The following CCDC12 variants were observed in gnomAD, a reference collection of about 807,000 sequenced individuals.
The protein encoded by CCDC12 is coiled-coil domain-containing protein 12.
CCDC12 carries 28 observed loss-of-function variants against 25.7 expected under a neutral mutation model. The observed-to-expected ratio is 1.09, with a 90% CI of 0.81 to 1.50. CCDC12 has a LOEUF of 1.50. CCDC12 is among the 40% of genes most tolerant of loss of function. The probability of loss-of-function intolerance (pLI) is 0.00; values close to 1 mark genes in which losing one functional copy is unlikely to be tolerated. For missense variants in CCDC12, 198 were observed against 210.0 expected (o/e 0.94, Z 0.35); for synonymous variants, 75 against 87.7 (o/e 0.86, Z 0.81).
intron 1 of CCDC12, chr3:46,976,196 A>T: frequency 1.9e-6 from 1 of 518,400 alleles, no homozygotes; most frequent in Non-Finnish European, 2.5e-6. Flanking sequence ...CACTGCTGTC[A>T]CTTGCTGCCC....
intron 1 of CCDC12, among the ~76,000 whole-genome samples, chr3:46,965,207 GA>G (rs1437940307): frequency 6.6e-6 from 1 of 152,184 alleles, no homozygotes; most frequent in Non-Finnish European, 1.5e-5. Flanking sequence ...AAAGCTAACA[GA>G]AAGATTAAAA....
intron 1 of CCDC12, among the ~76,000 whole-genome samples, chr3:46,958,929 A>G (rs918029929): frequency 1.3e-5 from 2 of 152,186 alleles, no homozygotes; most frequent in African/African-American, 4.8e-5. Context: ...AAAATTCTTT[A>G]CAAGTCAATT....
chr3:46,973,000 G>A (rs1263270310), intron 1 of CCDC12, among the ~76,000 whole-genome samples: 1 of 151,144 alleles, frequency 6.6e-6, no homozygotes. Flanking sequence ...ATTTTAGTTC[G>A]TCGAAAAGAC....
At chr3:46,942,804 T>G (rs1025771631) in intron 1 of CCDC12, among the ~76,000 whole-genome samples, 1 of 152,106 alleles carries the variant, frequency 6.6e-6, no homozygotes, top group Non-Finnish European at 1.5e-5. Context: ...GGAACGTGGT[T>G]CTTGGGCGAT....
intron 1 of CCDC12, among the ~76,000 whole-genome samples, chr3:46,957,284 G>A (rs992880466): frequency 2.0e-5 from 3 of 152,174 alleles, no homozygotes; most frequent in Admixed American, 1.3e-4. Context: ...GGGCAACAGG[G>A]CTAACTGTAG....
intron 1 of CCDC12, among the ~76,000 whole-genome samples, chr3:46,965,526 C>G (rs1263142510): frequency 6.6e-6 from 1 of 152,200 alleles, no homozygotes; most frequent in African/African-American, 2.4e-5. Flanking sequence ...AGAGGCTCAC[C>G]CTTCGCCCAG....
At chr3:46,960,948 G>A (rs1191622549) in intron 1 of CCDC12, among the ~76,000 whole-genome samples, 2 of 151,916 alleles carry the variant, frequency 1.3e-5, no homozygotes, top group Non-Finnish European at 2.9e-5. Context: ...GTTTGTAGGT[G>A]TGGGTTGGGG....
At chr3:46,961,154 G>A (rs2034451383) in intron 1 of CCDC12, among the ~76,000 whole-genome samples, 1 of 152,048 alleles carries the variant, frequency 6.6e-6, no homozygotes, top group African/African-American at 2.4e-5. Flanking sequence ...CATGCTGTAT[G>A]TGCATGTGTA....
intron 1 of CCDC12, among the ~76,000 whole-genome samples, chr3:46,961,078 T>G (rs995459996): frequency 1.3e-5 from 2 of 151,150 alleles, no homozygotes; most frequent in Non-Finnish European, 3.0e-5. Flanking sequence ...TGTGGTGGTG[T>G]TGTGAGGTTA....
chr3:46,925,523 C>T lies in CCDC12; in HGVS notation c.177G>A (p.Leu59=). 3 of 1,586,038 alleles carry T rather than the reference C, an allele frequency of 1.9e-6. No individual in the cohort carries two copies. The highest frequency in any genetic ancestry group is 2.6e-6 in the Non-Finnish European group (3 of 1,161,104). The part of the protein sequence containing the change: ...EEGEKHRELR[L]RNYVPEDEDL... ...CCTCATCCTCCGGGACATAGTTCCGCAGCCTAAGTTCCCTGCAAGAATAGA... is the reference window on the plus strand; with the variant it reads ...CCTCATCCTCCGGGACATAGTTCCGTAGCCTAAGTTCCCTGCAAGAATAGA... Residue 59 remains leucine (L), a synonymous_variant, in exon 3 of 7, where the codon CTG becomes CTA. Transcript: ENST00000683445.
At chr3:46,946,972 A>G (rs2033932686) in intron 1 of CCDC12, among the ~76,000 whole-genome samples, 2 of 152,148 alleles carry the variant, frequency 1.3e-5, no homozygotes, top group African/African-American at 2.4e-5. Context: ...AGAGAGAGAC[A>G]TTCAACTTCT....
intron 1 of CCDC12, among the ~76,000 whole-genome samples, chr3:46,948,379 G>C (rs1017700174): frequency 2.0e-5 from 3 of 152,192 alleles, no homozygotes; most frequent in African/African-American, 4.8e-5. Context: ...CTAGAGATAA[G>C]GACTGGAGAT....
intron 1 of CCDC12, among the ~76,000 whole-genome samples, chr3:46,960,251 A>G (rs2034423112): frequency 6.6e-6 from 1 of 152,054 alleles, no homozygotes; most frequent in South Asian, 2.1e-4. Context: ...CCTCAACAAT[A>G]ACACTTGTAA....
chr3:46,966,074 A>G (rs2034630022), intron 1 of CCDC12: 2 of 152,412 alleles, frequency 1.3e-5, no homozygotes, highest in South Asian at 2.1e-4. Context: ...AGAAACGGCC[A>G]GCCTGACCCA....
Position 46,967,116 on chromosome 3 carries a change from C to T in CCDC12, c.96+9521G>A, listed in dbSNP as rs192170440. Among the ~76,000 whole-genome samples, 53 of 152,266 alleles carry T rather than the reference C, an allele frequency of 3.5e-4. No homozygotes were observed. The South Asian group carries it at 0.01, about 29-fold the overall frequency. Reference sequence around the variant, plus strand: ...CCAGATGCCTGCTTATGTCTCTCTTCGCTTACCTGTCTAACAGTCATCTCT... The same window carrying T: ...CCAGATGCCTGCTTATGTCTCTCTTTGCTTACCTGTCTAACAGTCATCTCT... On this transcript the variant is annotated intron_variant, in intron 1 of 6. Transcript: ENST00000683445.
Position 46,936,703 on chromosome 3 carries a change from C to T in CCDC12, c.164+4295G>A, listed in dbSNP as rs566988818. Among the ~76,000 whole-genome samples, 3 of 150,694 alleles carry T rather than the reference C, an allele frequency of 2.0e-5. 1 individual carries two copies. In the South Asian group the frequency reaches 6.2e-4, roughly 31 times the overall value. Reference sequence around the variant, plus strand: ...AATCTTCTCAACATGTGTTCTTCCCCTAAGTCCCTAAATTAAAGCAGAAAA... The same window carrying T: ...AATCTTCTCAACATGTGTTCTTCCCTTAAGTCCCTAAATTAAAGCAGAAAA... On this transcript the variant is annotated intron_variant, in intron 2 of 6. Transcript: ENST00000683445.
chr3:46,933,231 C>A (rs2033301128), intron 2 of CCDC12, among the ~76,000 whole-genome samples: 1 of 152,238 alleles, frequency 6.6e-6, no homozygotes, highest in African/African-American at 2.4e-5. Flanking sequence ...CTCCCCACTG[C>A]CAGGAGAAGC....
At chr3:46,928,283 AG>A (rs2033060017) in intron 2 of CCDC12, among the ~76,000 whole-genome samples, 1 of 152,194 alleles carries the variant, frequency 6.6e-6, no homozygotes, top group Non-Finnish European at 1.5e-5. Flanking sequence ...ATGGCTTTAG[AG>A]AAGTACCAAG....
chr3:46,966,567 G>A (rs1165210618), intron 1 of CCDC12, among the ~76,000 whole-genome samples: 1 of 152,068 alleles, frequency 6.6e-6, no homozygotes, highest in African/African-American at 2.4e-5. Context: ...GGCTAGAGTT[G>A]CTAGAGTGGC....
Sources: gnomAD v4.1 joint callset for allele counts (sites outside exome capture counted in the v4.1 genomes callset) on GRCh38, gnomAD v4.1.1 for gene constraint, MANE v1.5 for transcripts, NCBI Gene and HGNC (gene_info 2026-07-23, HGNC 2026-07-21) for gene names.